The following TAFA4 variants were observed in gnomAD, a reference collection of about 807,000 sequenced individuals.
The protein encoded by TAFA4 is chemokine-like protein TAFA-4.
A neutral mutation model predicts 21.1 loss-of-function variants in TAFA4; 20 were observed. The ratio of observed to expected loss-of-function variants is 0.95; its 90% CI spans 0.67 to 1.38. TAFA4 has a LOEUF of 1.38. TAFA4 is among the 40% of genes most tolerant of loss of function. The pLI is 0.00. For missense variants in TAFA4, 211 were observed against 180.9 expected (o/e 1.17, Z -0.95); for synonymous variants, 71 against 67.4 (o/e 1.05, Z -0.26).
chr3:68,765,163 G>A (rs1225067410), intron 3 of TAFA4, among the ~76,000 whole-genome samples: 1 of 152,130 alleles, frequency 6.6e-6, no homozygotes, highest in Non-Finnish European at 1.5e-5. Flanking sequence ...TTTTCAATAT[G>A]TGCATTTGTG....
intron 3 of TAFA4, among the ~76,000 whole-genome samples, chr3:68,818,382 T>G (rs1195814954): frequency 1.3e-5 from 2 of 152,190 alleles, no homozygotes; most frequent in African/African-American, 4.8e-5. Flanking sequence ...CTGTTTTGCT[T>G]CAAAAAGAAA....
At chr3:68,753,720 C>T (rs931628994) in intron 3 of TAFA4, among the ~76,000 whole-genome samples, 7 of 152,138 alleles carry the variant, frequency 4.6e-5, no homozygotes, top group Non-Finnish European at 8.8e-5. Flanking sequence ...GAAAAGCAGA[C>T]AGATGAAGAG....
At chr3:68,743,205 A>G (rs1702389527) in intron 4 of TAFA4, among the ~76,000 whole-genome samples, 1 of 152,194 alleles carries the variant, frequency 6.6e-6, no homozygotes, top group South Asian at 2.1e-4. Context: ...AAAGGAATCT[A>G]GCCAAATTGG....
chr3:68,894,747 G>C (rs972122702), intron 1 of TAFA4, among the ~76,000 whole-genome samples: 1 of 152,232 alleles, frequency 6.6e-6, no homozygotes, highest in Non-Finnish European at 1.5e-5. Context: ...GATCACTGGG[G>C]ACTGCTGTAA....
chr3:68,902,671 T>C (rs923978358), intron 1 of TAFA4, among the ~76,000 whole-genome samples: 2 of 152,192 alleles, frequency 1.3e-5, no homozygotes, highest in Non-Finnish European at 2.9e-5. Context: ...TCCAGCCTCA[T>C]TCATATTTTG....
At chr3:68,765,854 C>G (rs558842307) in intron 3 of TAFA4, among the ~76,000 whole-genome samples, 1 of 152,050 alleles carries the variant, frequency 6.6e-6, no homozygotes, top group African/African-American at 2.4e-5. Context: ...GATTCAGTAT[C>G]CCCTCACTTT....
chr3:68,904,258 C>T (rs984886945), intron 1 of TAFA4, among the ~76,000 whole-genome samples: 1 of 152,128 alleles, frequency 6.6e-6, no homozygotes, highest in Non-Finnish European at 1.5e-5. Flanking sequence ...AAAGCCTGTG[C>T]TATAAATACA....
chr3:68,848,098 T>G (rs1282971564), intron 3 of TAFA4, among the ~76,000 whole-genome samples: 1 of 152,236 alleles, frequency 6.6e-6, no homozygotes, highest in Non-Finnish European at 1.5e-5. Context: ...ATTATTATCT[T>G]CATTTTATAG....
chr3:68,905,847 C>T (rs2106993587), intron 1 of TAFA4, among the ~76,000 whole-genome samples: 1 of 152,284 alleles, frequency 6.6e-6, no homozygotes, highest in Non-Finnish European at 1.5e-5. Context: ...GTACAAGAAA[C>T]AGGGTCCTCT....
intron 3 of TAFA4, among the ~76,000 whole-genome samples, chr3:68,838,025 T>C (rs1704562827): frequency 6.6e-6 from 1 of 152,156 alleles, no homozygotes; most frequent in Non-Finnish European, 1.5e-5. Context: ...TGAGAACACT[T>C]AAAATCTACT....
At position 68,885,267 on chromosome 3, in the gene TAFA4, C is replaced by G; in HGVS notation, c.-79G>C. 7.0e-7 allele frequency: 1 copy of G among 1,420,454 alleles called. No individual in the cohort carries two copies. Among genetic ancestry groups the G allele is most frequent in the Middle Eastern group, 1.8e-4 (1 of 5,562 alleles). The allele number at this position is 1,420,454 out of a possible 1,614,324, so 88.0% of individuals were successfully genotyped here. A position where few individuals can be genotyped will look rare whatever the true frequency, so the allele number is the denominator to read the frequency against. ...CCAAATTCCCATCTGTTGCTAGAAC[C>G]AATCATTTCTGCCGTTCCAAAAAAT... On this transcript the variant is annotated 5_prime_UTR_variant, in exon 2 of 6. Coordinates refer to ENST00000295569, the MANE Select transcript of TAFA4 (RefSeq NM_182522.5).
intron 5 of TAFA4, among the ~76,000 whole-genome samples, chr3:68,736,298 C>G (rs1265862956): frequency 6.6e-6 from 1 of 151,900 alleles, no homozygotes; most frequent in African/African-American, 2.4e-5. Flanking sequence ...CAGAGAGAGT[C>G]ATATTTTCCC....
intron 3 of TAFA4, among the ~76,000 whole-genome samples, chr3:68,823,440 T>C (rs1413422679): frequency 6.6e-6 from 1 of 152,164 alleles, no homozygotes; most frequent in Non-Finnish European, 1.5e-5. Flanking sequence ...TGCTACAAGA[T>C]TTTTTTAATT....
At position 68,824,233 on chromosome 3, in the gene TAFA4, G is replaced by C. The variant is rs190934847; in HGVS notation, c.130+56497C>G. 1.8e-3 allele frequency among the ~76,000 whole-genome samples: 275 copies of C among 152,324 alleles called. 3 individuals carry two copies. Among genetic ancestry groups the C allele is most frequent in the African/African-American group, 6.3e-3 (263 of 41,584 alleles). On this transcript the variant is annotated intron_variant, in intron 3 of 5. Coordinates refer to ENST00000295569, the MANE Select transcript of TAFA4 (RefSeq NM_182522.5). ...ACCACAAATTTAGTGGCTTAAAAAT[G>C]ATGTAAATTTATGATGGTTCTACAT...
At chr3:68,829,069 A>C (rs773890644) in intron 3 of TAFA4, among the ~76,000 whole-genome samples, 1 of 152,192 alleles carries the variant, frequency 6.6e-6, no homozygotes, top group Non-Finnish European at 1.5e-5. Context: ...ATATGGAACC[A>C]AAAAAGAGCC....
chr3:68,847,766 CG>C (rs1484590671), intron 3 of TAFA4, among the ~76,000 whole-genome samples: 5 of 152,152 alleles, frequency 3.3e-5, no homozygotes, highest in African/African-American at 1.2e-4. Flanking sequence ...GATTTGAACA[CG>C]GTAAGGTGTG....
rs140688900 is a variant in TAFA4, at chr3:68,828,504, C to T, written c.130+52226G>A. On this transcript the variant is annotated intron_variant, in intron 3 of 5. Transcript: ENST00000295569. ...TTCCACGATAAGGATTCTTCCTATC[C>T]GTGAGCATGGAATGTTCTTCCATTT... Among the ~76,000 whole-genome samples the T allele has an allele frequency of 3.1e-3, 478 of 152,226 alleles. 3 individuals are homozygous for T. Among genetic ancestry groups the T allele is most frequent in the African/African-American group, 0.01 (436 of 41,532 alleles).
intron 1 of TAFA4, among the ~76,000 whole-genome samples, chr3:68,890,389 A>G (rs1385838904): frequency 6.6e-6 from 1 of 152,224 alleles, no homozygotes; most frequent in Non-Finnish European, 1.5e-5. Context: ...AAAATATACT[A>G]AAATGATTGA....
At chr3:68,816,509 G>A (rs1449085521) in intron 3 of TAFA4, among the ~76,000 whole-genome samples, 1 of 152,036 alleles carries the variant, frequency 6.6e-6, no homozygotes, top group Non-Finnish European at 1.5e-5. Context: ...CTTTTCCGAT[G>A]TGTTGCTACT....
Sources: gnomAD v4.1 joint callset for allele counts (sites outside exome capture counted in the v4.1 genomes callset) on GRCh38, gnomAD v4.1.1 for gene constraint, MANE v1.5 for transcripts, NCBI Gene and HGNC (gene_info 2026-07-23, HGNC 2026-07-21) for gene names.